COL11A1: variants seen among roughly 807,000 people sequenced by gnomAD.
COL11A1 encodes the protein collagen alpha-1(XI) chain.
In COL11A1, 74 loss-of-function variants were observed where a neutral mutation model predicts 265.2. The observed-to-expected ratio is 0.28, with a 90% CI of 0.23 to 0.34. The LOEUF (loss-of-function observed/expected upper bound fraction) is 0.34, where lower values mean the gene tolerates loss of function less well. COL11A1 is among the 10% of genes least tolerant of loss of function. COL11A1 has a pLI of 1.00. For synonymous variants in COL11A1, 816 were observed against 727.6 expected, an observed-to-expected ratio of 1.12 and a Z score of -1.96; for missense variants, 2,165 against 2,263.6, an observed-to-expected ratio of 0.96 and a Z score of 0.88.
chr1:103,048,581 T>G (rs1292582748), intron 4 of COL11A1, among the ~76,000 whole-genome samples: 2 of 152,204 alleles, frequency 1.3e-5, no homozygotes, highest in Non-Finnish European at 2.9e-5. Flanking sequence ...TGAAGGGTTT[T>G]GTGTGTCTCT....
rs1672524361 is a variant in COL11A1 at position 103,082,883 on chromosome 1, T to A, written c.196A>T (p.Asn66Tyr). 3 of 1,613,738 alleles carry A rather than the reference T, an allele frequency of 1.9e-6. No homozygotes were observed. Among genetic ancestry groups the A allele is most frequent in the Non-Finnish European group, 2.5e-6 (3 of 1,179,742 alleles). Reference protein sequence around the residue: ...KTTGFCTNRKNSKGSDTAYRV... With the variant: ...KTTGFCTNRKYSKGSDTAYRV... Reference sequence around the variant, plus strand: ...TAAGCAGTATCTGAGCCTTTAGAATTCTTTCTGTTTGTGCAAAATCCCGTT... The same window carrying A: ...TAAGCAGTATCTGAGCCTTTAGAATACTTTCTGTTTGTGCAAAATCCCGTT... The change falls in exon 2 of 67, where the codon AAT (asparagine) becomes TAT (tyrosine). Residue 66 changes from asparagine to tyrosine, a missense_variant. Physicochemically the swap from Asn to Tyr is moderately radical, Grantham distance 143. Transcript: ENST00000370096.
chr1:103,075,582 C>G (rs1270653268), intron 3 of COL11A1, among the ~76,000 whole-genome samples: 1 of 152,134 alleles, frequency 6.6e-6, no homozygotes, highest in Non-Finnish European at 1.5e-5. Flanking sequence ...TGCACATTCC[C>G]TAACCATACT....
intron 1 of COL11A1, among the ~76,000 whole-genome samples, chr1:103,083,868 G>C (rs896609266): frequency 6.6e-5 from 10 of 152,032 alleles, no homozygotes; most frequent in African/African-American, 2.4e-4. Context: ...CTTTTTAGTG[G>C]AAGCATAAAT....
At position 102,970,240 on chromosome 1, in the gene COL11A1, G is replaced by A; in HGVS notation, c.2841C>T (p.His947=). ...GPPGKDGLPG[H]PGQRGETGFQ... is the part of the protein sequence containing the mutation. ...TTACAGTCTCCCCACGTTGCCCAGG[G>A]TGTCCTGGCAGCCCATCCTTCCCAG... Residue 947 remains histidine, a synonymous_variant, in exon 37 of 67, where the codon CAC becomes CAT. Coordinates refer to ENST00000370096, the MANE Select transcript of COL11A1 (RefSeq NM_001854.4). 6.2e-7 allele frequency: 1 copy of A among 1,612,212 alleles called. No individual in the cohort carries two copies.
At chr1:102,936,533 T>C (rs1204747775) in intron 44 of COL11A1, among the ~76,000 whole-genome samples, 1 of 152,154 alleles carries the variant, frequency 6.6e-6, no homozygotes, top group Non-Finnish European at 1.5e-5. Context: ...ACGTTCAAAC[T>C]TTAAAGCAAA....
rs71752747 is a variant in COL11A1 at position 103,005,900 on chromosome 1, CCATCAT to C, written c.1792-15_1792-10del. On this transcript the variant is annotated splice_polypyrimidine_tract_variant and intron_variant, in intron 17 of 66. Transcript: ENST00000370096. ...TCAAACCCTCGATCTCCCTGTAAAA[CCATCAT>C]CATCATCATCATCATCATCATCATC... is the stretch of plus-strand genomic sequence containing the variant. 7.6e-3 allele frequency: 10,108 copies of C among 1,336,324 alleles called. 93 individuals carry two copies. Among genetic ancestry groups the C allele is most frequent in the African/African-American group, 0.044 (3,183 of 71,548 alleles). The allele number at this position is 1,336,324 out of a possible 1,614,324, so 82.8% of individuals were successfully genotyped here. A position where few individuals can be genotyped will look rare whatever the true frequency, so the allele number is the denominator to read the frequency against.
chr1:102,959,402 T>C lies in COL11A1; in HGVS notation c.3168+2464A>G, dbSNP rs933660139. Among the ~76,000 whole-genome samples, 4 of 111,242 alleles carry C rather than the reference T, an allele frequency of 3.6e-5. No individual in the cohort carries two copies. The East Asian group carries it at 8.6e-4, about 24-fold the overall frequency. 73.0% of individuals were successfully genotyped at this position (111,242 alleles called of 152,430 possible). ...ACATCACATCTCTTTCCTAGTATTT[T>C]CTCGCTCTTCAACGATTTTGTAATC... On this transcript the variant is annotated intron_variant, in intron 41 of 66. Transcript: ENST00000370096.
At chr1:103,074,907 T>C (rs1257912240) in intron 3 of COL11A1, 127 bp from the exon 4 acceptor site, 4 of 1,116,438 alleles carry the variant, frequency 3.6e-6, no homozygotes, top group Non-Finnish European at 5.2e-6. Context: ...AAATGTAGGC[T>C]CATTTATTAA....
intron 4 of COL11A1, among the ~76,000 whole-genome samples, chr1:103,067,897 A>T (rs1387844586): frequency 2.0e-5 from 3 of 151,750 alleles, no homozygotes; most frequent in Admixed American, 2.0e-4. Flanking sequence ...GATCAACACA[A>T]GAAGAAACAG....
At chr1:102,923,805 T>C (rs112039537) in intron 46 of COL11A1, among the ~76,000 whole-genome samples, 9,018 of 152,066 alleles carry the variant, frequency 0.059, 329 homozygotes, top group Non-Finnish European at 0.085. Flanking sequence ...AAATAAATAT[T>C]CCAATACATT....
At chr1:102,928,103 T>C (rs1047057126) in intron 46 of COL11A1, among the ~76,000 whole-genome samples, 7 of 147,734 alleles carry the variant, frequency 4.7e-5, no homozygotes, top group African/African-American at 1.8e-4. Flanking sequence ...AATATCTTAC[T>C]TTTTTTTTTA....
At chr1:102,996,939 A>G in intron 26 of COL11A1, 141 bp downstream of exon 26, 1 of 725,866 alleles carries the variant, frequency 1.4e-6, no homozygotes, top group Admixed American at 2.3e-5. Context: ...ACTGATATAA[A>G]ATTAAAAGTA....
At chr1:103,061,839 A>G (rs1044540372) in intron 4 of COL11A1, among the ~76,000 whole-genome samples, 1 of 151,968 alleles carries the variant, frequency 6.6e-6, no homozygotes, top group African/African-American at 2.4e-5. Flanking sequence ...AGAAAATTAA[A>G]TTACACCAGA....
intron 57 of COL11A1, among the ~76,000 whole-genome samples, chr1:102,892,372 C>T (rs1239214838): frequency 6.6e-6 from 1 of 152,086 alleles, no homozygotes; most frequent in Non-Finnish European, 1.5e-5. Context: ...TAAAACAGCA[C>T]ATTATATCCT....
intron 4 of COL11A1, among the ~76,000 whole-genome samples, chr1:103,073,920 A>G (rs979339116): frequency 1.3e-5 from 2 of 152,030 alleles, no homozygotes; most frequent in African/African-American, 4.8e-5. Flanking sequence ...CACCTTGACA[A>G]AGAAACGACT....
Position 102,879,858 on chromosome 1 carries a change from T to C in COL11A1, c.5099A>G (p.Lys1700Arg). 10 of 1,613,908 alleles carry C rather than the reference T, an allele frequency of 6.2e-6. No individual in the cohort carries two copies. Among genetic ancestry groups the C allele is most frequent in the Non-Finnish European group, 8.5e-6 (10 of 1,179,880 alleles). ...TTGCCGAGCAGAGGCAGTCAGAAGT[T>C]TCAGGAATGTCATTTGCACCATATT... is the stretch of plus-strand genomic sequence containing the variant. ...SINMVQMTFL[K>R]LLTASARQNF... Residue 1700 changes from lysine (K) to arginine (R), a missense_variant, in exon 66 of 67, where the codon AAA becomes AGA. Physicochemically the swap from Lys to Arg is conservative, Grantham distance 26. Transcript: ENST00000370096.
chr1:103,041,036 A>C (rs1320266057), intron 4 of COL11A1, among the ~76,000 whole-genome samples: 1 of 151,840 alleles, frequency 6.6e-6, no homozygotes, highest in African/African-American at 2.4e-5. Context: ...ACACATAATG[A>C]TTAACTTTTA....
At chr1:103,071,090 T>A (rs1671549213) in intron 4 of COL11A1, among the ~76,000 whole-genome samples, 1 of 151,986 alleles carries the variant, frequency 6.6e-6, no homozygotes, top group Admixed American at 6.6e-5. Flanking sequence ...TTCTGAGGAG[T>A]TTAAAAAAAT....
intron 41 of COL11A1, 169 bp downstream of exon 41, chr1:102,961,697 T>C: frequency 1.6e-6 from 1 of 636,020 alleles, no homozygotes; most frequent in East Asian, 3.0e-5. Flanking sequence ...CCCTTCTGTT[T>C]CTGCATTCAT....
Sources: gnomAD v4.1 joint callset for allele counts (sites outside exome capture counted in the v4.1 genomes callset) on GRCh38, gnomAD v4.1.1 for gene constraint, MANE v1.5 for transcripts, NCBI Gene and HGNC (gene_info 2026-07-23, HGNC 2026-07-21) for gene names.